The following TAF3 variants were observed in gnomAD, a reference collection of about 807,000 sequenced individuals.
The protein encoded by TAF3 is transcription initiation factor TFIID subunit 3.
Under a neutral mutation model 80.6 loss-of-function variants are expected in TAF3, and 7 were observed. That is an observed-to-expected ratio of 0.09 (90% CI 0.05 to 0.16). The LOEUF (loss-of-function observed/expected upper bound fraction) is 0.16, where lower values mean the gene tolerates loss of function less well. TAF3 is among the 10% of genes least tolerant of loss of function. The pLI, the probability that TAF3 is intolerant of heterozygous loss-of-function variation, is 1.00. For missense variants in TAF3, 921 were observed against 1,140.2 expected (o/e 0.81, Z 2.77); for synonymous variants, 444 against 446.1 (o/e 1.00, Z 0.06).
rs546134929 is a variant in TAF3, at chr10:7,945,850, G to T, written c.410-18070G>T. 7.9e-5 allele frequency among the ~76,000 whole-genome samples: 12 copies of T among 152,288 alleles called. No homozygotes were observed. In the East Asian group the frequency reaches 1.9e-3, roughly 25 times the overall value. The stretch of plus-strand genomic sequence containing the variant: ...TTACTGTCTCCCTAGCACTTACTGT[G>T]AATTTTCCTTTTGTATTTGTTGTTG... On this transcript the variant is annotated intron_variant, in intron 2 of 6. Transcript: ENST00000344293.
chr10:7,887,173 A>G lies in TAF3; in HGVS notation c.409+62613A>G, dbSNP rs149875847. Among the ~76,000 whole-genome samples, 651 of 151,558 alleles carry G rather than the reference A, an allele frequency of 4.3e-3. 5 individuals carry two copies. Among genetic ancestry groups the G allele is most frequent in the African/African-American group, 0.015 (628 of 41,312 alleles). Reference sequence around the variant, plus strand: ...CTTGAACCCGGGAGGTGGAGCTTGCAGTGAGCCGAGATCGCACCACTGCAC... The same window carrying G: ...CTTGAACCCGGGAGGTGGAGCTTGCGGTGAGCCGAGATCGCACCACTGCAC... On this transcript the variant is annotated intron_variant, in intron 2 of 6. Coordinates refer to ENST00000344293, the MANE Select transcript of TAF3 (RefSeq NM_031923.4).
intron 2 of TAF3, among the ~76,000 whole-genome samples, chr10:7,846,188 A>G (rs1428827300): frequency 6.6e-6 from 1 of 151,988 alleles, no homozygotes; most frequent in Non-Finnish European, 1.5e-5. Context: ...CGATCTCCTG[A>G]CCTCGTGATC....
In TAF3 at chr10:8,016,426, CGTT is replaced by C. The variant is rs1159373404; in HGVS notation, c.*1679_*1681del. The C allele has an allele frequency of 2.3e-4, 35 of 152,222 alleles. No individual in the cohort carries two copies. Among genetic ancestry groups the C allele is most frequent in the African/African-American group, 8.2e-4 (34 of 41,518 alleles). The allele number at this position is 152,222 out of a possible 1,614,324, so 9.4% of individuals were successfully genotyped here. A position where few individuals can be genotyped will look rare whatever the true frequency, so the allele number is the denominator to read the frequency against. On this transcript the variant is annotated 3_prime_UTR_variant, in exon 7 of 7. Coordinates refer to ENST00000344293, the MANE Select transcript of TAF3 (RefSeq NM_031923.4). ...TCGGAGCACAGGGTGTCATTGCCCT[CGTT>C]GTTCAAGAGGCCAGAATTTTTCTAT...
At chr10:7,934,916 C>G (rs893387794) in intron 2 of TAF3, among the ~76,000 whole-genome samples, 1 of 152,142 alleles carries the variant, frequency 6.6e-6, no homozygotes, top group Non-Finnish European at 1.5e-5. Flanking sequence ...GTGAATAAAA[C>G]CAAAGTCTGT....
intron 2 of TAF3, among the ~76,000 whole-genome samples, chr10:7,913,804 A>G (rs781167627): frequency 3.9e-5 from 6 of 152,234 alleles, no homozygotes; most frequent in Non-Finnish European, 8.8e-5. Context: ...TGTTCTTGCC[A>G]AATACATTGA....
chr10:7,837,443 G>A (rs1185299763), intron 2 of TAF3, among the ~76,000 whole-genome samples: 1 of 151,866 alleles, frequency 6.6e-6, no homozygotes, highest in African/African-American at 2.4e-5. Context: ...AGGAGTTCAA[G>A]ACCAGCTTGG....
At chr10:7,859,892 C>T (rs190475792) in intron 2 of TAF3, among the ~76,000 whole-genome samples, 9 of 152,312 alleles carry the variant, frequency 5.9e-5, no homozygotes, top group East Asian at 1.9e-4. Flanking sequence ...ATGATTATTA[C>T]GCATCCTTGG....
In TAF3 at chr10:7,887,232, T is replaced by TA. The variant is rs528310249; in HGVS notation, c.409+62688dup. Reference sequence around the variant, plus strand: ...GGGTGACAGAGCCAGACTCTGTATTTAAAAAAAAAAAAAAAAGAAAGAAAG... The same window carrying TA: ...GGGTGACAGAGCCAGACTCTGTATTTAAAAAAAAAAAAAAAAAGAAAGAAAG... On this transcript the variant is annotated intron_variant, in intron 2 of 6. Transcript: ENST00000344293. 5.7e-3 allele frequency among the ~76,000 whole-genome samples: 799 copies of TA among 139,518 alleles called. 2 individuals carry two copies. The highest frequency in any genetic ancestry group is 0.015 in the African/African-American group (557 of 37,242). The allele number at this position is 139,518 out of a possible 152,430, so 91.5% of individuals were successfully genotyped here. A position where few individuals can be genotyped will look rare whatever the true frequency, so the allele number is the denominator to read the frequency against.
intron 2 of TAF3, among the ~76,000 whole-genome samples, chr10:7,955,209 G>A (rs415641): frequency 0.9 from 136,428 of 152,266 alleles, 61,245 homozygotes; most frequent in East Asian, 0.99. Context: ...CACCTCTCCC[G>A]TGCTGTCTAA....
At chr10:7,919,754 A>AT (rs1837745519) in intron 2 of TAF3, among the ~76,000 whole-genome samples, 1 of 152,096 alleles carries the variant, frequency 6.6e-6, no homozygotes, top group Non-Finnish European at 1.5e-5. Flanking sequence ...TATTGCTATT[A>AT]TTTTTTATTT....
chr10:7,890,401 C>T (rs1244441), intron 2 of TAF3, among the ~76,000 whole-genome samples: 46,583 of 152,080 alleles, frequency 0.31, 7,673 homozygotes, highest in African/African-American at 0.43. Flanking sequence ...TTGTAGTCTA[C>T]GTTCCATCAT....
intron 2 of TAF3, among the ~76,000 whole-genome samples, chr10:7,952,111 GTTTGATTATAAA>G (rs1838088222): frequency 6.6e-6 from 1 of 152,192 alleles, no homozygotes; most frequent in African/African-American, 2.4e-5. Context: ...AATGTGTGGT[GTTTGATTATAAA>G]TTTGATTTGC....
At chr10:7,917,307 C>A (rs545931033) in intron 2 of TAF3, among the ~76,000 whole-genome samples, 1 of 152,144 alleles carries the variant, frequency 6.6e-6, no homozygotes, top group Non-Finnish European at 1.5e-5. Flanking sequence ...TGAAGCAAAT[C>A]GAAGGGAAGA....
chr10:8,006,181 C>T (rs1466019725), intron 4 of TAF3, among the ~76,000 whole-genome samples: 3 of 24,658 alleles, frequency 1.2e-4, no homozygotes, highest in African/African-American at 4.9e-4. Context: ...AAAAAAAATA[C>T]ACACACACAC....
At chr10:7,850,541 T>C (rs1837016595) in intron 2 of TAF3, among the ~76,000 whole-genome samples, 1 of 151,924 alleles carries the variant, frequency 6.6e-6, no homozygotes, top group African/African-American at 2.4e-5. Flanking sequence ...CCAGGCATGG[T>C]GGCACATGCA....
At chr10:7,834,485 CTTA>C (rs1836831905) in intron 2 of TAF3, among the ~76,000 whole-genome samples, 2 of 151,840 alleles carry the variant, frequency 1.3e-5, no homozygotes, top group South Asian at 2.1e-4. Context: ...CTAAGGGATA[CTTA>C]TTATATATAA....
chr10:7,924,060 C>A (rs1007101282), intron 2 of TAF3, among the ~76,000 whole-genome samples: 3 of 152,156 alleles, frequency 2.0e-5, no homozygotes, highest in Non-Finnish European at 4.4e-5. Flanking sequence ...AGATAAAATT[C>A]TCTTTGCGCA....
chr10:7,953,122 T>C (rs1160579893), intron 2 of TAF3, among the ~76,000 whole-genome samples: 1 of 151,558 alleles, frequency 6.6e-6, no homozygotes, highest in Non-Finnish European at 1.5e-5. Flanking sequence ...CTGGTAGTAA[T>C]ACCCCGTGTT....
chr10:7,991,325 T>C (rs981091672), intron 4 of TAF3, among the ~76,000 whole-genome samples: 7 of 152,226 alleles, frequency 4.6e-5, no homozygotes, highest in African/African-American at 1.4e-4. Context: ...ATTTAAATTC[T>C]AAAGCAACTC....
Sources: allele counts gnomAD v4.1 joint callset (sites outside exome capture counted in the v4.1 genomes callset), GRCh38; gene constraint gnomAD v4.1.1; transcripts MANE v1.5; gene names NCBI Gene and HGNC (gene_info 2026-07-23, HGNC 2026-07-21).